The following WDR7 variants were observed in gnomAD, a reference collection of about 807,000 sequenced individuals.
WDR7 encodes the protein WD repeat domain 7.
WDR7 carries 46 observed loss-of-function variants against 169.4 expected under a neutral mutation model. That is an observed-to-expected ratio of 0.27 (90% CI 0.21 to 0.35). WDR7 has a LOEUF of 0.35. WDR7 is among the 10% of genes least tolerant of loss of function. The pLI is 1.00. For missense variants in WDR7, 1,534 were observed against 1,859.3 expected (o/e 0.83, Z 3.22); for synonymous variants, 612 against 666.8 (o/e 0.92, Z 1.27).
At chr18:57,002,160 T>G (rs915163862) in intron 26 of WDR7, among the ~76,000 whole-genome samples, 5 of 152,198 alleles carry the variant, frequency 3.3e-5, no homozygotes, top group Middle Eastern at 3.2e-3. Flanking sequence ...CATTTTGTGA[T>G]AATTTCATAG....
intron 20 of WDR7, among the ~76,000 whole-genome samples, chr18:56,821,302 A>G (rs2045091387): frequency 6.6e-6 from 1 of 152,214 alleles, no homozygotes. Flanking sequence ...TTTATCAAGC[A>G]CATTACACAT....
At chr18:57,012,173 G>A (rs933761396) in intron 26 of WDR7, among the ~76,000 whole-genome samples, 13 of 152,150 alleles carry the variant, frequency 8.5e-5, no homozygotes, top group African/African-American at 2.9e-4. Context: ...TGAACTCCTG[G>A]AGGTGGGTCA....
At chr18:56,881,149 T>C (rs1050788039) in intron 21 of WDR7, among the ~76,000 whole-genome samples, 3 of 152,202 alleles carry the variant, frequency 2.0e-5, no homozygotes, top group African/African-American at 7.2e-5. Flanking sequence ...GTGACTTTTA[T>C]TATAAAAGCC....
chr18:56,788,850 G>T (rs1161948968), intron 19 of WDR7, among the ~76,000 whole-genome samples: 4 of 152,154 alleles, frequency 2.6e-5, no homozygotes, highest in Admixed American at 2.6e-4. Flanking sequence ...GATTAGAAGG[G>T]GAAGTACTAA....
chr18:56,797,165 A>G (rs1242736947), intron 19 of WDR7, among the ~76,000 whole-genome samples: 1 of 152,186 alleles, frequency 6.6e-6, no homozygotes, highest in East Asian at 1.9e-4. Flanking sequence ...GTTTGAATCC[A>G]TGATGGGCCT....
At position 56,710,003 on chromosome 18, in the gene WDR7, G is replaced by GTTTTTTTTTTTTTTTTTTTTTT; in HGVS notation, c.1579-7959_1579-7958insTTTTTTTTTTTTTTTTTTTTTT. 1.6e-5 allele frequency among the ~76,000 whole-genome samples: 2 copies of GTTTTTTTTTTTTTTTTTTTTTT among 128,678 alleles called. 1 individual carries two copies. Among genetic ancestry groups the GTTTTTTTTTTTTTTTTTTTTTT allele is most frequent in the Non-Finnish European group, 3.2e-5 (2 of 61,824 alleles). The allele number at this position is 128,678 out of a possible 152,430, so 84.4% of individuals were successfully genotyped here. Reference sequence around the variant, plus strand: ...GAACCACAATTTATATATATATATAGTTGTTTTTTTTTTTTTTTGTGATGG... The same window carrying GTTTTTTTTTTTTTTTTTTTTTT: ...GAACCACAATTTATATATATATATAGTTTTTTTTTTTTTTTTTTTTTTTTGTTTTTTTTTTTTTTTGTGATGG... On this transcript the variant is annotated intron_variant, in intron 12 of 27. Transcript: ENST00000254442.
At chr18:56,939,793 A>C (rs1415764656) in intron 25 of WDR7, among the ~76,000 whole-genome samples, 1 of 152,108 alleles carries the variant, frequency 6.6e-6, no homozygotes, top group Non-Finnish European at 1.5e-5. Flanking sequence ...GTTTATTTTT[A>C]ATACCAAGGC....
chr18:56,806,514 G>C (rs2044776137), intron 19 of WDR7, among the ~76,000 whole-genome samples: 1 of 152,066 alleles, frequency 6.6e-6, no homozygotes, highest in Non-Finnish European at 1.5e-5. Flanking sequence ...GGAGGGTAGA[G>C]GTCTCCCTTC....
intron 1 of WDR7, among the ~76,000 whole-genome samples, chr18:56,663,215 C>G (rs1198334134): frequency 6.6e-6 from 1 of 152,166 alleles, no homozygotes; most frequent in Admixed American, 6.5e-5. Flanking sequence ...TCCAAATACA[C>G]AAATACACTG....
intron 21 of WDR7, among the ~76,000 whole-genome samples, chr18:56,915,446 T>C (rs2046611483): frequency 6.6e-6 from 1 of 152,236 alleles, no homozygotes; most frequent in South Asian, 2.1e-4. Flanking sequence ...GCATATAATA[T>C]ATTCTCCCAT....
chr18:56,998,609 C>G (rs943772190), intron 26 of WDR7, among the ~76,000 whole-genome samples: 2 of 152,140 alleles, frequency 1.3e-5, no homozygotes, highest in African/African-American at 4.8e-5. Context: ...GGAATATGAG[C>G]TGAAGCTAGA....
chr18:56,765,375 T>C (rs1255496991), intron 16 of WDR7, among the ~76,000 whole-genome samples: 1 of 152,070 alleles, frequency 6.6e-6, no homozygotes, highest in Non-Finnish European at 1.5e-5. Context: ...CCATTTGATC[T>C]CCTTTATGGC....
intron 20 of WDR7, among the ~76,000 whole-genome samples, chr18:56,818,356 A>T (rs1438921338): frequency 6.6e-6 from 1 of 152,206 alleles, no homozygotes; most frequent in Non-Finnish European, 1.5e-5. Context: ...TTTTAATTTT[A>T]TTGTTAACAA....
At chr18:56,854,161 C>T (rs1465150571) in intron 20 of WDR7, among the ~76,000 whole-genome samples, 3 of 152,188 alleles carry the variant, frequency 2.0e-5, no homozygotes, top group East Asian at 1.9e-4. Flanking sequence ...CAATCAGTTC[C>T]GCAGTGGCCA....
chr18:56,994,633 G>T (rs1159737594), intron 26 of WDR7, among the ~76,000 whole-genome samples: 1 of 152,110 alleles, frequency 6.6e-6, no homozygotes, highest in African/African-American at 2.4e-5. Flanking sequence ...TTTTGCAAGG[G>T]CATAATTGAA....
intron 4 of WDR7, among the ~76,000 whole-genome samples, chr18:56,681,978 T>G (rs1396659430): frequency 6.6e-6 from 1 of 152,206 alleles, no homozygotes; most frequent in Non-Finnish European, 1.5e-5. Flanking sequence ...GTTTACTAAT[T>G]GTTTACTGTG....
intron 26 of WDR7, among the ~76,000 whole-genome samples, chr18:56,979,320 T>C (rs1330980958): frequency 6.6e-6 from 1 of 152,186 alleles, no homozygotes; most frequent in African/African-American, 2.4e-5. Flanking sequence ...TCCCTAGATT[T>C]CTGTGTTATA....
intron 26 of WDR7, among the ~76,000 whole-genome samples, chr18:56,974,988 C>G (rs943812312): frequency 6.6e-6 from 1 of 151,978 alleles, no homozygotes; most frequent in East Asian, 1.9e-4. Context: ...ACCTGTAATC[C>G]CAGCACTTTG....
intron 19 of WDR7, among the ~76,000 whole-genome samples, chr18:56,802,311 ATTT>A (rs535397644): frequency 6.8e-6 from 1 of 146,052 alleles, no homozygotes; most frequent in African/African-American, 2.5e-5. Context: ...CATAGTTAGA[ATTT>A]TTTTTTTTTT....
Sources: gnomAD v4.1 joint callset for allele counts (sites outside exome capture counted in the v4.1 genomes callset) on GRCh38, gnomAD v4.1.1 for gene constraint, MANE v1.5 for transcripts, NCBI Gene and HGNC (gene_info 2026-07-23, HGNC 2026-07-21) for gene names.